PDE6A: variants seen among roughly 807,000 people sequenced by gnomAD.
PDE6A encodes the protein rod cGMP-specific 3',5'-cyclic phosphodiesterase subunit alpha.
A neutral mutation model predicts 106.3 loss-of-function variants in PDE6A; 84 were observed. The observed-to-expected ratio is 0.79, with a 90% CI of 0.66 to 0.95. The LOEUF is 0.95. Among genes scored for constraint, PDE6A ranks in the 40% least tolerant of loss-of-function variants. PDE6A has a pLI of 0.00. For synonymous variants in PDE6A, 394 were observed against 386.6 expected (o/e 1.02, Z -0.23); for missense variants, 1,052 against 1,084.9 (o/e 0.97, Z 0.43).
chr5:149,878,457 T>C (rs1760818417), intron 17 of PDE6A, among the ~76,000 whole-genome samples: 1 of 152,236 alleles, frequency 6.6e-6, no homozygotes, highest in South Asian at 2.1e-4. Flanking sequence ...CTGTTTGTGT[T>C]ACAGACAATG....
At chr5:149,891,197 C>T (rs751978081) in intron 13 of PDE6A, among the ~76,000 whole-genome samples, 9 of 152,104 alleles carry the variant, frequency 5.9e-5, no homozygotes, top group Non-Finnish European at 1.0e-4. Context: ...GGGCTGGGTG[C>T]GGAGGCTGGT....
intron 1 of PDE6A, among the ~76,000 whole-genome samples, chr5:149,935,265 AGTGT>A (rs60720493): frequency 1.7e-4 from 25 of 149,812 alleles, no homozygotes; most frequent in Non-Finnish European, 2.5e-4. Flanking sequence ...TGTGTGTGTG[AGTGT>A]GTGTGTGTGT....
chr5:149,896,302 C>T, intron 12 of PDE6A, 54 bp downstream of exon 12: 2 of 1,446,362 alleles, frequency 1.4e-6, no homozygotes, highest in South Asian at 1.2e-5. Context: ...TTTTTTAAAG[C>T]AAGCAAGAAA....
At chr5:149,926,886 G>A (rs1410843970) in intron 4 of PDE6A, among the ~76,000 whole-genome samples, 2 of 151,192 alleles carry the variant, frequency 1.3e-5, no homozygotes, top group African/African-American at 4.9e-5. Context: ...GCTGAGGCTG[G>A]AGAATTGTTT....
chr5:149,930,921 C>T, intron 4 of PDE6A, 107 bp downstream of exon 4: 2 of 1,160,230 alleles, frequency 1.7e-6, no homozygotes, highest in Non-Finnish European at 2.6e-6. Flanking sequence ...CATCCCAATT[C>T]ACCCAGCCTC....
At chr5:149,927,435 TTTAATTAA>T (rs899423973) in intron 4 of PDE6A, among the ~76,000 whole-genome samples, 5 of 152,162 alleles carry the variant, frequency 3.3e-5, no homozygotes, top group African/African-American at 9.7e-5. Flanking sequence ...TACTGTAATT[TTTAATTAA>T]TTAATTAATT....
At chr5:149,906,127 G>T (rs1010566829) in intron 7 of PDE6A, among the ~76,000 whole-genome samples, 2 of 151,770 alleles carry the variant, frequency 1.3e-5, no homozygotes, top group African/African-American at 4.8e-5. Flanking sequence ...CTAAGTGTTG[G>T]GATTACAGGC....
At chr5:149,880,394 CA>C (rs1760879518) in intron 17 of PDE6A, among the ~76,000 whole-genome samples, 1 of 151,728 alleles carries the variant, frequency 6.6e-6, no homozygotes, top group African/African-American at 2.4e-5. Context: ...CTATGGAAGT[CA>C]AAAAAAGAAA....
intron 6 of PDE6A, among the ~76,000 whole-genome samples, chr5:149,910,379 A>G (rs898915245): frequency 1.3e-5 from 2 of 152,202 alleles, no homozygotes; most frequent in African/African-American, 4.8e-5. Flanking sequence ...TAACTTTTGT[A>G]TGTGCAGAGA....
chr5:149,883,134 T>C (rs1411512754), intron 17 of PDE6A, among the ~76,000 whole-genome samples: 1 of 152,204 alleles, frequency 6.6e-6, no homozygotes, highest in East Asian at 1.9e-4. Flanking sequence ...TTAAAAGTTA[T>C]ATCAGTTTAC....
chr5:149,859,498 G>C lies in PDE6A; in HGVS notation c.*1397C>G, dbSNP rs1760054163. 1 of 152,398 alleles carries C rather than the reference G, an allele frequency of 6.6e-6. No individual in the cohort carries two copies. Among genetic ancestry groups the C allele is most frequent in the South Asian group, 2.1e-4 (1 of 4,836 alleles). 9.4% of individuals were successfully genotyped at this position (152,398 alleles called of 1,614,324 possible). A position where few individuals can be genotyped will look rare whatever the true frequency, so the allele number is the denominator to read the frequency against. On this transcript the variant is annotated 3_prime_UTR_variant, in exon 22 of 22. Transcript: ENST00000255266. ...GAAGGGAAGGAAATAGGAGTGGGCA[G>C]AGGGAGAAGTCGAGTTGGGATGTGA...
At position 149,922,465 on chromosome 5, in the gene PDE6A, C is replaced by T. The variant is rs534586632; in HGVS notation, c.859-756G>A. Among the ~76,000 whole-genome samples the T allele has an allele frequency of 8.5e-5, 13 of 152,148 alleles. No individual in the cohort carries two copies. In the South Asian group the frequency reaches 2.7e-3, roughly 32 times the overall value. On this transcript the variant is annotated intron_variant, in intron 4 of 21. Transcript: ENST00000255266. ...TAGCTGGGATTACAGGTGTGTGCCA[C>T]CACATCCGGCTAATTTTTATATTTT...
At chr5:149,890,787 A>G (rs745989933) in intron 13 of PDE6A, among the ~76,000 whole-genome samples, 5 of 152,250 alleles carry the variant, frequency 3.3e-5, no homozygotes, top group Non-Finnish European at 5.9e-5. Flanking sequence ...AAACTGGTTC[A>G]TAAAACTGCT....
intron 17 of PDE6A, among the ~76,000 whole-genome samples, chr5:149,873,504 G>A (rs1400014392): frequency 2.6e-5 from 4 of 151,912 alleles, no homozygotes; most frequent in Non-Finnish European, 2.9e-5. Context: ...GCTAATTTTT[G>A]TATTTTCAAT....
intron 3 of PDE6A, chr5:149,932,786 T>TCCAGCACATGCACATTGAA: frequency 1.2e-6 from 1 of 846,346 alleles, no homozygotes; most frequent in Non-Finnish European, 1.9e-6. Flanking sequence ...CTTGCTTCAA[T>TCCAGCACATGCACATTGAA]GTGCATGTGC....
chr5:149,879,215 G>C (rs948886353), intron 17 of PDE6A, among the ~76,000 whole-genome samples: 1 of 151,984 alleles, frequency 6.6e-6, no homozygotes, highest in African/African-American at 2.4e-5. Context: ...GGGATTACAG[G>C]CGCCTGCTAC....
At chr5:149,884,070 A>G (rs1339503131) in intron 16 of PDE6A, among the ~76,000 whole-genome samples, 2 of 151,804 alleles carry the variant, frequency 1.3e-5, no homozygotes, top group Non-Finnish European at 2.9e-5. Flanking sequence ...GTGTTCCTGT[A>G]GTCCCAGCCA....
At chr5:149,930,982 C>A (rs764900176) in intron 4 of PDE6A, 46 bp downstream of exon 4, 1 of 1,598,720 alleles carries the variant, frequency 6.3e-7, no homozygotes, top group Non-Finnish European at 8.6e-7. Context: ...CAGTCAGTGT[C>A]TGTTTAATCT....
At chr5:149,936,064 G>A (rs1324501230) in intron 1 of PDE6A, among the ~76,000 whole-genome samples, 1 of 152,054 alleles carries the variant, frequency 6.6e-6, no homozygotes, top group Non-Finnish European at 1.5e-5. Flanking sequence ...TGAGGCAGGA[G>A]GATTGCTTGA....
Sources: allele counts gnomAD v4.1 joint callset (sites outside exome capture counted in the v4.1 genomes callset), GRCh38; gene constraint gnomAD v4.1.1; transcripts MANE v1.5; gene names NCBI Gene and HGNC (gene_info 2026-07-23, HGNC 2026-07-21).